The following RYR2 variants were observed in gnomAD, a reference collection of about 807,000 sequenced individuals.
RYR2 encodes the protein ryanodine receptor 2, also known as cardiac muscle ryanodine receptor-calcium release channel.
In RYR2, 227 loss-of-function variants were observed where a neutral mutation model predicts 601.1. That is an observed-to-expected ratio of 0.38 (90% CI 0.34 to 0.42). RYR2 has a LOEUF of 0.42. RYR2 is among the 10% of genes least tolerant of loss of function. The pLI is 1.00. For missense variants in RYR2, 4,646 were observed against 6,156.5 expected, an observed-to-expected ratio of 0.75 and a Z score of 8.21; for synonymous variants, 2,223 against 2,175.1, an observed-to-expected ratio of 1.02 and a Z score of -0.61.
chr1:237,323,999 A>G (rs1695901619), intron 2 of RYR2, among the ~76,000 whole-genome samples: 1 of 152,224 alleles, frequency 6.6e-6, no homozygotes, highest in Non-Finnish European at 1.5e-5. Flanking sequence ...GGGAAAAAGA[A>G]CATGACAAGA....
intron 3 of RYR2, among the ~76,000 whole-genome samples, chr1:237,350,717 T>C (rs1361042897): frequency 6.9e-6 from 1 of 145,978 alleles, no homozygotes; most frequent in Non-Finnish European, 1.5e-5. Flanking sequence ...AAAAAGTCAG[T>C]TTATAAGAAA....
chr1:237,506,659 A>G lies in RYR2; in HGVS notation c.2614-51A>G, dbSNP rs1572639661. 31 of 1,335,470 alleles carry G rather than the reference A, an allele frequency of 2.3e-5. 1 individual carries two copies. The East Asian group carries it at 7.3e-4, about 31-fold the overall frequency. 82.7% of individuals were successfully genotyped at this position (1,335,470 alleles called of 1,614,324 possible). A position where few individuals can be genotyped will look rare whatever the true frequency, so the allele number is the denominator to read the frequency against. The stretch of plus-strand genomic sequence containing the variant: ...TTGCAGTGAAGACTGTTGGCACTGC[A>G]TCTTATTGCATTTGTTTCTGATGTG... On this transcript the variant is annotated intron_variant, in intron 22 of 104. Transcript: ENST00000366574.
At chr1:237,801,973 G>A in intron 98 of RYR2, 57 bp downstream of exon 98, 1 of 1,005,988 alleles carries the variant, frequency 9.9e-7, no homozygotes, top group South Asian at 1.3e-5. Flanking sequence ...AAGACTGTGG[G>A]AGTTCTGCAG....
At chr1:237,802,802 C>A (rs980075071) in intron 98 of RYR2, among the ~76,000 whole-genome samples, 6 of 152,230 alleles carry the variant, frequency 3.9e-5, no homozygotes, top group African/African-American at 1.4e-4. Context: ...TTGCATAGCC[C>A]ACTTTTGCCC....
At chr1:237,623,729 C>T in intron 38 of RYR2, 36 bp from the exon 39 acceptor site, 1 of 1,376,842 alleles carries the variant, frequency 7.3e-7, no homozygotes, top group Non-Finnish European at 1.0e-6. Flanking sequence ...TCTTTTCTTC[C>T]TCCTTCTTCC....
intron 29 of RYR2, among the ~76,000 whole-genome samples, chr1:237,579,723 A>G (rs1290992962): frequency 1.3e-5 from 2 of 152,140 alleles, no homozygotes; most frequent in East Asian, 1.9e-4. Context: ...TTAACATGTC[A>G]TATGCTCACC....
At chr1:237,154,270 T>G (rs1042015088) in intron 1 of RYR2, among the ~76,000 whole-genome samples, 2 of 152,248 alleles carry the variant, frequency 1.3e-5, no homozygotes, top group African/African-American at 4.8e-5. Context: ...ATTGTTATTT[T>G]ATGATGACAC....
chr1:237,093,558 G>A lies in RYR2; in HGVS notation c.48+50989G>A, dbSNP rs540810234. Among the ~76,000 whole-genome samples the A allele has an allele frequency of 1.4e-4, 22 of 152,278 alleles. No homozygotes were observed. In the South Asian group the frequency reaches 4.6e-3, roughly 32 times the overall value. On this transcript the variant is annotated intron_variant, in intron 1 of 104. Coordinates refer to ENST00000366574, the MANE Select transcript of RYR2 (RefSeq NM_001035.3). ...GGGCTCAGGTGACTGGAAGAGAGCA[G>A]TTTCATCCCTGAGGACTTAGACCTT... is the stretch of plus-strand genomic sequence containing the variant.
chr1:237,091,688 G>A (rs751165103), intron 1 of RYR2, among the ~76,000 whole-genome samples: 11 of 152,224 alleles, frequency 7.2e-5, no homozygotes, highest in Non-Finnish European at 1.6e-4. Context: ...GCCTCCCTAA[G>A]TGCTGGGATT....
At chr1:237,383,414 C>CTTTTTTTTTTTTT (rs1558724426) in intron 8 of RYR2, among the ~76,000 whole-genome samples, 3 of 64,780 alleles carry the variant, frequency 4.6e-5, no homozygotes, top group Non-Finnish European at 1.0e-4. Flanking sequence ...TTTCTTTTTT[C>CTTTTTTTTTTTTT]TTGTTTTTTT....
Position 237,643,470 on chromosome 1 carries a change from C to T in RYR2, c.7342+23C>T, listed in dbSNP as rs145124340. 5.7e-5 allele frequency: 92 copies of T among 1,613,604 alleles called. No individual in the cohort carries two copies. In the East Asian group the frequency reaches 2.0e-3, roughly 36 times the overall value. Reference sequence around the variant, plus strand: ...AAGGTAAGGCCAACTTCAATTTGTCCTAATTCAGTAGGATGTTGGATGACA... The same window carrying T: ...AAGGTAAGGCCAACTTCAATTTGTCTTAATTCAGTAGGATGTTGGATGACA... On this transcript the variant is annotated intron_variant, in intron 48 of 104. Coordinates refer to ENST00000366574, the MANE Select transcript of RYR2 (RefSeq NM_001035.3).
intron 101 of RYR2, among the ~76,000 whole-genome samples, chr1:237,826,920 C>T (rs1176779013): frequency 6.6e-6 from 1 of 152,190 alleles, no homozygotes; most frequent in Non-Finnish European, 1.5e-5. Context: ...TGCATCCAGA[C>T]CCCTTCAACC....
At chr1:237,145,700 G>C (rs1673930215) in intron 1 of RYR2, among the ~76,000 whole-genome samples, 1 of 152,170 alleles carries the variant, frequency 6.6e-6, no homozygotes, top group African/African-American at 2.4e-5. Flanking sequence ...CCCAGTTCTA[G>C]ATGACCAGTT....
chr1:237,625,764 G>T lies in RYR2; in HGVS notation c.6126G>T (p.Lys2042Asn), dbSNP rs1433457033. ...AAAAGGTGACATATCTGAAGAAGAA[G>T]CAAGCAGAAAAACCAGTTGAGAGTG... ...LVEKVTYLKK[K>N]QAEKPVESDS... is the part of the protein sequence containing the mutation. The change falls in exon 40 of 105, where the codon AAG becomes AAT. Residue 2042 changes from lysine (K) to asparagine (N), a missense_variant. Around this residue, in one of 17 missense-constraint regions of RYR2, gnomAD observed 170 missense variants for 184.5 expected, o/e 0.92. Coordinates refer to ENST00000366574, the MANE Select transcript of RYR2 (RefSeq NM_001035.3). 7 of 1,613,758 alleles carry T rather than the reference G, an allele frequency of 4.3e-6. No individual in the cohort carries two copies. The South Asian group carries it at 7.7e-5, about 18-fold the overall frequency.
At position 237,181,076 on chromosome 1, in the gene RYR2, C is replaced by T. The variant is rs184572967; in HGVS notation, c.49-89421C>T. ...TTGGCTCATTGCAACCTCCACCTCC[C>T]GGGTTCAAGCAATTCTCCTGCCTCA... On this transcript the variant is annotated intron_variant, in intron 1 of 104. Transcript: ENST00000366574. Among the ~76,000 whole-genome samples, 10 of 152,040 alleles carry T rather than the reference C, an allele frequency of 6.6e-5. No individual in the cohort carries two copies. In the East Asian group the frequency reaches 9.7e-4, roughly 15 times the overall value.
intron 104 of RYR2, among the ~76,000 whole-genome samples, chr1:237,831,911 C>T (rs1663838444): frequency 6.6e-6 from 1 of 152,050 alleles, no homozygotes; most frequent in Non-Finnish European, 1.5e-5. Context: ...GTATTATGTA[C>T]AATGCATGTT....
chr1:237,643,917 T>A (rs1394726601), intron 48 of RYR2, among the ~76,000 whole-genome samples: 1 of 152,122 alleles, frequency 6.6e-6, no homozygotes, highest in Non-Finnish European at 1.5e-5. Flanking sequence ...TCCAGACTTT[T>A]TTCCATTGTT....
At chr1:237,449,071 C>A (rs1194638784) in intron 14 of RYR2, among the ~76,000 whole-genome samples, 1 of 152,128 alleles carries the variant, frequency 6.6e-6, no homozygotes, top group Non-Finnish European at 1.5e-5. Flanking sequence ...ACACACGCCA[C>A]CACCATCACC....
chr1:237,333,984 T>G (rs1439581216), intron 3 of RYR2, among the ~76,000 whole-genome samples: 3 of 152,218 alleles, frequency 2.0e-5, no homozygotes, highest in Admixed American at 1.3e-4. Context: ...CTTTTTTATT[T>G]AATAATTCTT....
Sources: allele counts gnomAD v4.1 joint callset (sites outside exome capture counted in the v4.1 genomes callset), GRCh38; gene constraint gnomAD v4.1.1; regional missense constraint gnomAD v4.1.1; transcripts MANE v1.5; gene names NCBI Gene and HGNC (gene_info 2026-07-23, HGNC 2026-07-21).